Variants in MYO1H observed in about 807,000 individuals in gnomAD.
MYO1H encodes the protein myosin IH.
In MYO1H, 118 loss-of-function variants were observed where a neutral mutation model predicts 149.3. The ratio of observed to expected loss-of-function variants is 0.79; its 90% CI spans 0.68 to 0.92. MYO1H has a LOEUF of 0.92. Ranked by LOEUF, MYO1H falls within the 40% of genes least tolerant of loss-of-function variation. The pLI, the probability that MYO1H is intolerant of heterozygous loss-of-function variation, is 0.00. For synonymous variants in MYO1H, 447 were observed against 465.2 expected (o/e 0.96, Z 0.50); for missense variants, 1,212 against 1,280.7 (o/e 0.95, Z 0.82).
chr12:109,432,103 A>G (rs1249975361), intron 19 of MYO1H, among the ~76,000 whole-genome samples: 1 of 142,044 alleles, frequency 7.0e-6, no homozygotes, highest in African/African-American at 2.7e-5. Flanking sequence ...CCAGGTTCAC[A>G]CTATTCTCCT....
At chr12:109,315,052 T>C in the MYO1H span, among the ~76,000 whole-genome samples, 1 of 152,138 alleles carries the variant, frequency 6.6e-6, no homozygotes, top group South Asian at 2.1e-4. Context: ...CAGTGAGCCA[T>C]GATCGTGCCA....
chr12:109,336,498 T>C, the MYO1H span, among the ~76,000 whole-genome samples: 1 of 152,250 alleles, frequency 6.6e-6, no homozygotes, highest in Non-Finnish European at 1.5e-5. Flanking sequence ...TCTTGTGCTC[T>C]CTCTCAGCTC....
intron 15 of MYO1H, among the ~76,000 whole-genome samples, chr12:109,418,056 T>C (rs929640654): frequency 6.6e-6 from 1 of 152,064 alleles, no homozygotes; most frequent in Non-Finnish European, 1.5e-5. Flanking sequence ...GACCTCATGA[T>C]CCACCCACCT....
At chr12:109,433,038 T>C in intron 20 of MYO1H, 28 bp downstream of exon 20, 1 of 1,574,558 alleles carries the variant, frequency 6.4e-7, no homozygotes, top group Non-Finnish European at 8.7e-7. Context: ...CACCAAATGG[T>C]CTCTTCCCTT....
the MYO1H span, among the ~76,000 whole-genome samples, chr12:109,315,290 G>A: frequency 6.6e-6 from 1 of 152,088 alleles, no homozygotes; most frequent in African/African-American, 2.4e-5. Context: ...CTCTTTTAGT[G>A]TTATTTTCTC....
Position 109,347,914 on chromosome 12 carries a change from G to A in MYO1H, c.-47G>A, listed in dbSNP as rs908257843. On this transcript the variant is annotated 5_prime_UTR_variant, in exon 1 of 32. An upstream start codon of the reference 5' UTR is lost. Transcript: ENST00000310903. ...AGTCAGTGGGAAGCAACTTTTGAAT[G>A]GCTCAAGAGGAATAGTTGTTAACAA... 2.5e-6 allele frequency: 1 copy of A among 398,852 alleles called. No homozygotes were observed. Among genetic ancestry groups the A allele is most frequent in the Non-Finnish European group, 4.4e-6 (1 of 226,058 alleles). The allele number at this position is 398,852 out of a possible 1,614,324, so 24.7% of individuals were successfully genotyped here.
rs574629571 is a variant in MYO1H at position 109,372,984 on chromosome 12, CTTA to C, written c.13-15696_13-15694del. ...GAAATCTGGCACATTTGGTGATAAA[CTTA>C]TTCTATATTTTATCTCTTTAGTCAA... On this transcript the variant is annotated intron_variant, in intron 1 of 31. Coordinates refer to ENST00000310903, the Ensembl canonical transcript of MYO1H. Among the ~76,000 whole-genome samples, 528 of 152,078 alleles carry C rather than the reference CTTA, an allele frequency of 3.5e-3. 2 individuals carry two copies. Among genetic ancestry groups the C allele is most frequent in the Non-Finnish European group, 4.9e-3 (334 of 67,906 alleles).
chr12:109,390,128 T>C (rs1469897710), intron 2 of MYO1H, among the ~76,000 whole-genome samples: 1 of 152,034 alleles, frequency 6.6e-6, no homozygotes, highest in Non-Finnish European at 1.5e-5. Context: ...TAATATGGGG[T>C]TTTATTGAAA....
intron 3 of MYO1H, among the ~76,000 whole-genome samples, chr12:109,395,734 C>CAAA (rs112060744): frequency 3.6e-5 from 5 of 137,868 alleles, no homozygotes; most frequent in Non-Finnish European, 7.8e-5. Context: ...GACTCCATCT[C>CAAA]AAAAAAAAAA....
chr12:109,434,777 A>G (rs1433925195), intron 20 of MYO1H, among the ~76,000 whole-genome samples: 2 of 151,912 alleles, frequency 1.3e-5, no homozygotes, highest in African/African-American at 4.8e-5. Flanking sequence ...TGTCCCTCCA[A>G]TCTCTGCCTC....
chr12:109,327,122 CTTTTTCTTTTTCTTT>C, the MYO1H span, among the ~76,000 whole-genome samples: 14 of 111,402 alleles, frequency 1.3e-4, no homozygotes, highest in African/African-American at 5.3e-4. Context: ...TTTTCTTTTT[CTTTTTCTTTTTCTTT>C]TTTTTTTTTT....
At chr12:109,390,211 CT>C (rs545265874) in intron 2 of MYO1H, among the ~76,000 whole-genome samples, 426 of 139,684 alleles carry the variant, frequency 3.0e-3, no homozygotes, top group African/African-American at 6.5e-3. Flanking sequence ...ATCTTTTTTT[CT>C]TTTTTTTTTT....
upstream of MYO1H, among the ~76,000 whole-genome samples, chr12:109,343,030 G>A (rs575903591): frequency 6.6e-6 from 1 of 152,126 alleles, no homozygotes; most frequent in South Asian, 2.1e-4. Context: ...ACCAGTCTGA[G>A]CCACAAAGCA....
chr12:109,314,158 TACA>T, the MYO1H span, among the ~76,000 whole-genome samples: 51 of 152,234 alleles, frequency 3.4e-4, no homozygotes, highest in South Asian at 7.1e-3. Flanking sequence ...ATGCTGGGAT[TACA>T]GGCGTGAGCC....
intron 1 of MYO1H, among the ~76,000 whole-genome samples, chr12:109,361,205 A>G: frequency 6.6e-6 from 1 of 152,192 alleles, no homozygotes; most frequent in East Asian, 1.9e-4. Context: ...CACACACTGA[A>G]AAGTGCATAA....
chr12:109,405,989 G>A, exon 8 of MYO1H: 1 of 1,613,866 alleles, frequency 6.2e-7, no homozygotes, highest in African/African-American at 1.3e-5. Context: ...GACGACCAAG[G>A]CTGTGCCACT....
chr12:109,374,299 A>G (rs1425800657), intron 1 of MYO1H, among the ~76,000 whole-genome samples: 2 of 152,180 alleles, frequency 1.3e-5, no homozygotes, highest in African/African-American at 2.4e-5. Flanking sequence ...CTCAGTTGAC[A>G]TGTACTAGCT....
intron 27 of MYO1H, among the ~76,000 whole-genome samples, chr12:109,443,061 T>TACAC (rs1566044783): frequency 1.5e-3 from 76 of 51,590 alleles, no homozygotes; most frequent in Non-Finnish European, 1.9e-3. Context: ...TATGTGTACG[T>TACAC]ATGTGTGTAT....
chr12:109,386,734 A>G (rs1292935174), intron 1 of MYO1H, among the ~76,000 whole-genome samples: 2 of 152,226 alleles, frequency 1.3e-5, no homozygotes, highest in East Asian at 3.9e-4. Flanking sequence ...TCTGGATACA[A>G]ATTCTTTGCG....
Sources: allele counts gnomAD v4.1 joint callset (sites outside exome capture counted in the v4.1 genomes callset), GRCh38; gene constraint gnomAD v4.1.1; transcripts MANE v1.5; gene names NCBI Gene and HGNC (gene_info 2026-07-23, HGNC 2026-07-21).